Variants in SRCIN1 observed in about 807,000 individuals in gnomAD.
SRCIN1 encodes P130Cas-associated protein.
Under a neutral mutation model 116.2 loss-of-function variants are expected in SRCIN1, and 50 were observed. That is an observed-to-expected ratio of 0.43 (90% CI 0.34 to 0.54). The LOEUF (loss-of-function observed/expected upper bound fraction) is 0.54, where lower values mean the gene tolerates loss of function less well. Ranked by LOEUF, SRCIN1 falls within the 20% of genes least tolerant of loss-of-function variation. The pLI is 0.02. For missense variants in SRCIN1, 1,446 were observed against 1,672.0 expected (o/e 0.86, Z 2.36); for synonymous variants, 736 against 750.0 (o/e 0.98, Z 0.30).
chr17:38,580,235 AGAG>A (rs1314395329), intron 1 of SRCIN1, among the ~76,000 whole-genome samples: 1 of 152,166 alleles, frequency 6.6e-6, no homozygotes, highest in Non-Finnish European at 1.5e-5. Context: ...CACAGAGGAA[AGAG>A]GAGATTCAGC....
chr17:38,546,693 C>T (rs76356133), intron 17 of SRCIN1: 2,890 of 152,614 alleles, frequency 0.019, 107 homozygotes, highest in African/African-American at 0.065. Flanking sequence ...TACAGCTCAT[C>T]CTAGAGGTTC....
intron 1 of SRCIN1, chr17:38,601,277 G>C (rs1429178720): frequency 6.6e-6 from 1 of 152,322 alleles, no homozygotes; most frequent in Admixed American, 6.5e-5. Flanking sequence ...TTGTCTTTCT[G>C]CTGGGGGGTT....
chr17:38,533,912 G>C (rs1403545391), intron 18 of SRCIN1, among the ~76,000 whole-genome samples: 1 of 152,048 alleles, frequency 6.6e-6, no homozygotes, highest in Non-Finnish European at 1.5e-5. Flanking sequence ...CATCCTGGTG[G>C]CAACAGAGGA....
At position 38,564,446 on chromosome 17, in the gene SRCIN1, C is replaced by T; in HGVS notation, c.346-133G>A. 5.2e-6 allele frequency: 5 copies of T among 962,660 alleles called. No homozygotes were observed. In the South Asian group the frequency reaches 8.6e-5, roughly 16 times the overall value. 59.6% of individuals were successfully genotyped at this position (962,660 alleles called of 1,614,324 possible). ...CCCACACAGATTACAGACTCCCACA[C>T]AGATTACAGACTCCTGGCATGGCCA... On this transcript the variant is annotated intron_variant, in intron 3 of 18. Transcript: ENST00000617146.
chr17:38,584,310 T>C (rs1241328782), intron 1 of SRCIN1, among the ~76,000 whole-genome samples: 1 of 152,206 alleles, frequency 6.6e-6, no homozygotes, highest in Non-Finnish European at 1.5e-5. Flanking sequence ...GGCTTCTCTT[T>C]TCTCCAAGGA....
chr17:38,584,612 C>T (rs745629659), intron 1 of SRCIN1, among the ~76,000 whole-genome samples: 33 of 152,218 alleles, frequency 2.2e-4, no homozygotes, highest in African/African-American at 5.1e-4. Flanking sequence ...CCAAATTCTA[C>T]GTTTATTTAT....
At position 38,562,872 on chromosome 17, in the gene SRCIN1, G is replaced by A. The variant is rs71384240; in HGVS notation, c.789C>T (p.Leu263=). Residue 263 remains leucine (L), a synonymous_variant, in exon 6 of 19, where the codon CTC becomes CTT. Transcript: ENST00000617146. The surrounding 1 kb of genome is among the most constrained non-coding windows in gnomAD (Gnocchi z 4.2). ...GATGTGAGCCAGGGAAGGCAGCGTA[G>A]AGGGGCTCCTTTCTGTAGATCTTGA... ...SIIKIYRKEP[L]YAAFPGSHLT... 6.8e-6 allele frequency: 11 copies of A among 1,613,866 alleles called. No individual in the cohort carries two copies. Among genetic ancestry groups the A allele is most frequent in the Admixed American group, 1.7e-5 (1 of 60,010 alleles).
intron 1 of SRCIN1, among the ~76,000 whole-genome samples, chr17:38,579,397 C>T (rs1419596921): frequency 6.6e-6 from 1 of 152,176 alleles, no homozygotes; most frequent in East Asian, 1.9e-4. Context: ...TCTCAGGTTT[C>T]CCATGGAGAT....
Position 38,585,803 on chromosome 17 carries a change from C to G in SRCIN1, c.23-7012G>C, listed in dbSNP as rs1908080455. 6.6e-6 allele frequency among the ~76,000 whole-genome samples: 1 copy of G among 152,244 alleles called. No individual in the cohort carries two copies. Among genetic ancestry groups the G allele is most frequent in the Non-Finnish European group, 1.5e-5 (1 of 68,038 alleles). Reference sequence around the variant, plus strand: ...AGCGCCCTGTTGAGTCTCCCTGTCACTCCAACTAAAGCCTCGGAGATGAGG... The same window carrying G: ...AGCGCCCTGTTGAGTCTCCCTGTCAGTCCAACTAAAGCCTCGGAGATGAGG... On this transcript the variant is annotated intron_variant, in intron 1 of 18. Transcript: ENST00000617146. This position sits in a 1 kb window ranked among gnomAD's most constrained non-coding sequence, Gnocchi z 4.2.
chr17:38,551,714 T>C, intron 14 of SRCIN1, 172 bp downstream of exon 14: 1 of 1,009,024 alleles, frequency 9.9e-7, no homozygotes, highest in Non-Finnish European at 1.5e-6. Flanking sequence ...GCTTTCTGTC[T>C]AGGAGGGCTA....
intron 18 of SRCIN1, among the ~76,000 whole-genome samples, chr17:38,539,720 G>A (rs924100452): frequency 3.3e-5 from 5 of 152,108 alleles, no homozygotes; most frequent in Admixed American, 6.5e-5. Context: ...ATCCTCTGGT[G>A]TCGTCCTTTC....
chr17:38,603,481 A>C (rs1909178263), intron 1 of SRCIN1, among the ~76,000 whole-genome samples: 1 of 152,088 alleles, frequency 6.6e-6, no homozygotes, highest in African/African-American at 2.4e-5. Context: ...CCCGAGGACC[A>C]CAGTTGCCTC....
Position 38,552,991 on chromosome 17 carries a change from AC to A in SRCIN1, c.2202-137del, listed in dbSNP as rs774938922. 35 of 1,383,822 alleles carry A rather than the reference AC, an allele frequency of 2.5e-5. No homozygotes were observed. The highest frequency in any genetic ancestry group is 3.3e-5 in the Non-Finnish European group (34 of 1,029,896). 85.7% of individuals were successfully genotyped at this position (1,383,822 alleles called of 1,614,324 possible). A position where few individuals can be genotyped will look rare whatever the true frequency, so the allele number is the denominator to read the frequency against. Reference sequence around the variant, plus strand: ...AGCAGGAGGCTGGGCACCGTGGCTCACGCCCGTAATCTCAGTACTTTGGGAG... The same window carrying A: ...AGCAGGAGGCTGGGCACCGTGGCTCAGCCCGTAATCTCAGTACTTTGGGAG... On this transcript the variant is annotated intron_variant, in intron 11 of 18. Transcript: ENST00000617146. This position sits in a 1 kb window ranked among gnomAD's most constrained non-coding sequence, Gnocchi z 5.3.
intron 3 of SRCIN1, 123 bp from the exon 4 acceptor site, chr17:38,564,436 G>C: frequency 9.7e-7 from 1 of 1,031,760 alleles, no homozygotes; most frequent in South Asian, 1.6e-5. Context: ...ACAGATTACA[G>C]ACTCCCACAC....
At chr17:38,587,872 T>C (rs1475877215) in intron 1 of SRCIN1, among the ~76,000 whole-genome samples, 1 of 151,984 alleles carries the variant, frequency 6.6e-6, no homozygotes, top group East Asian at 1.9e-4. Flanking sequence ...CCTTGCAAAA[T>C]GTGCAAATCA....
chr17:38,588,328 A>G (rs908952236), intron 1 of SRCIN1, among the ~76,000 whole-genome samples: 2 of 152,242 alleles, frequency 1.3e-5, no homozygotes, highest in African/African-American at 4.8e-5. Flanking sequence ...TGTCACCCCC[A>G]GTCTGAAGCT....
chr17:38,540,715 G>A (rs1394592044), intron 18 of SRCIN1, among the ~76,000 whole-genome samples: 2 of 151,956 alleles, frequency 1.3e-5, no homozygotes, highest in Non-Finnish European at 2.9e-5. Context: ...GCCAGGGGCC[G>A]GGGCAGGGAT....
chr17:38,584,475 G>A (rs1908003839), intron 1 of SRCIN1, among the ~76,000 whole-genome samples: 1 of 152,236 alleles, frequency 6.6e-6, no homozygotes, highest in South Asian at 2.1e-4. Context: ...CCCCGCCTGG[G>A]AAACGCGGAA....
intron 1 of SRCIN1, among the ~76,000 whole-genome samples, chr17:38,592,872 T>C (rs1408325479): frequency 2.6e-5 from 4 of 152,034 alleles, no homozygotes; most frequent in Non-Finnish European, 5.9e-5. Context: ...TTCTTTGAAT[T>C]TTAATACCTC....
Sources: allele counts gnomAD v4.1 joint callset (sites outside exome capture counted in the v4.1 genomes callset), GRCh38; gene constraint gnomAD v4.1.1; non-coding constraint Gnocchi (gnomAD v3.1); transcripts MANE v1.5; gene names NCBI Gene and HGNC (gene_info 2026-07-23, HGNC 2026-07-21).